The following PPP1R14C variants were observed in gnomAD, a reference collection of about 807,000 sequenced individuals.
The protein encoded by PPP1R14C is protein phosphatase 1 regulatory inhibitor subunit 14C, also known as protein phosphatase 1 regulatory subunit 14C.
PPP1R14C carries 16 observed loss-of-function variants against 20.4 expected under a neutral mutation model. The observed-to-expected ratio is 0.78, with a 90% CI of 0.53 to 1.19. The LOEUF (loss-of-function observed/expected upper bound fraction) is 1.19. Among genes scored for constraint, PPP1R14C ranks in the 50% most tolerant of loss-of-function variants. The pLI is 0.00. For missense variants in PPP1R14C, 211 were observed against 220.1 expected (o/e 0.96, Z 0.26); for synonymous variants, 91 against 91.0 (o/e 1.00, Z 0.00).
At chr6:150,243,868 A>C (rs573178614) in intron 3 of PPP1R14C, among the ~76,000 whole-genome samples, 7 of 152,376 alleles carry the variant, frequency 4.6e-5, no homozygotes, top group African/African-American at 1.7e-4. Context: ...TCCATGCAGC[A>C]GTGTAGCTGA....
At chr6:150,146,002 A>T (rs1777176590) in intron 1 of PPP1R14C, among the ~76,000 whole-genome samples, 1 of 152,244 alleles carries the variant, frequency 6.6e-6, no homozygotes, top group Non-Finnish European at 1.5e-5. Flanking sequence ...GAAGAAATAC[A>T]CAGAACCACT....
intron 3 of PPP1R14C, among the ~76,000 whole-genome samples, chr6:150,231,851 T>G (rs987302503): frequency 6.6e-6 from 1 of 152,250 alleles, no homozygotes; most frequent in Non-Finnish European, 1.5e-5. Flanking sequence ...AGTATTTCTT[T>G]CTGTTCATAC....
Position 150,147,271 on chromosome 6 carries a change from C to G in PPP1R14C, c.306+3773C>G, listed in dbSNP as rs559580775. Among the ~76,000 whole-genome samples, 6 of 150,802 alleles carry G rather than the reference C, an allele frequency of 4.0e-5. No homozygotes were observed. In the East Asian group the frequency reaches 1.2e-3, roughly 29 times the overall value. Reference sequence around the variant, plus strand: ...CTCAGCTCACTGCAACCTCCGCCTCCTGGGTTCAAACGATTCTCCTGCTTC... The same window carrying G: ...CTCAGCTCACTGCAACCTCCGCCTCGTGGGTTCAAACGATTCTCCTGCTTC... On this transcript the variant is annotated intron_variant, in intron 1 of 3. Coordinates refer to ENST00000361131, the MANE Select transcript of PPP1R14C (RefSeq NM_030949.3).
intron 1 of PPP1R14C, among the ~76,000 whole-genome samples, chr6:150,174,556 T>C (rs1406207703): frequency 2.6e-5 from 4 of 152,036 alleles, no homozygotes; most frequent in African/African-American, 9.7e-5. Flanking sequence ...TGTAAGCTCC[T>C]AGAGGGTAGG....
intron 1 of PPP1R14C, among the ~76,000 whole-genome samples, chr6:150,170,245 A>G (rs1777481186): frequency 6.6e-6 from 1 of 152,212 alleles, no homozygotes; most frequent in Non-Finnish European, 1.5e-5. Context: ...CACACAAGAA[A>G]GAATAAGAAA....
intron 1 of PPP1R14C, among the ~76,000 whole-genome samples, chr6:150,199,280 C>T (rs183790203): frequency 2.6e-5 from 4 of 152,154 alleles, no homozygotes; most frequent in Admixed American, 1.3e-4. Flanking sequence ...GGCTATCATT[C>T]GAATGTGTCC....
At chr6:150,194,658 C>T in intron 1 of PPP1R14C, 1 of 985,368 alleles carries the variant, frequency 1.0e-6, no homozygotes, top group Non-Finnish European at 1.2e-6. Context: ...ACTCACCTCG[C>T]CTTTAGCACA....
At chr6:150,166,119 T>C (rs1249451793) in intron 1 of PPP1R14C, among the ~76,000 whole-genome samples, 1 of 151,766 alleles carries the variant, frequency 6.6e-6, no homozygotes, top group African/African-American at 2.4e-5. Flanking sequence ...CTCCCTCTGT[T>C]GTCCAGGCTG....
chr6:150,213,522 C>T (rs1180908912), intron 1 of PPP1R14C, among the ~76,000 whole-genome samples: 3 of 152,192 alleles, frequency 2.0e-5, no homozygotes, highest in African/African-American at 7.2e-5. Flanking sequence ...GCCCGGGTGT[C>T]CCCAGTGTCC....
chr6:150,225,821 G>A (rs1266420996), intron 3 of PPP1R14C, among the ~76,000 whole-genome samples: 1 of 152,160 alleles, frequency 6.6e-6, no homozygotes, highest in African/African-American at 2.4e-5. Flanking sequence ...CACATATTAG[G>A]CCCTTAGTAT....
intron 3 of PPP1R14C, 31 bp from the exon 4 acceptor site, chr6:150,248,715 C>A: frequency 2.1e-6 from 3 of 1,404,432 alleles, no homozygotes; most frequent in Non-Finnish European, 3.0e-6. Flanking sequence ...TAATAGTGAC[C>A]CTCATATTAA....
chr6:150,152,669 G>T (rs1225166129), intron 1 of PPP1R14C, among the ~76,000 whole-genome samples: 1 of 151,794 alleles, frequency 6.6e-6, no homozygotes, highest in African/African-American at 2.4e-5. Context: ...GAGCTTCTCT[G>T]ATCCATCTCC....
chr6:150,170,618 G>A (rs182931700), intron 1 of PPP1R14C, among the ~76,000 whole-genome samples: 2 of 152,130 alleles, frequency 1.3e-5, no homozygotes, highest in African/African-American at 4.8e-5. Flanking sequence ...CACTGCGCCC[G>A]GCTGCTAGTT....
intron 2 of PPP1R14C, among the ~76,000 whole-genome samples, chr6:150,215,068 C>T (rs1280888859): frequency 6.6e-6 from 1 of 152,182 alleles, no homozygotes; most frequent in African/African-American, 2.4e-5. Flanking sequence ...ATAACTTTCT[C>T]CAGCCCCATT....
chr6:150,207,066 C>T (rs1021696774), intron 1 of PPP1R14C, among the ~76,000 whole-genome samples: 8 of 152,006 alleles, frequency 5.3e-5, no homozygotes, highest in African/African-American at 1.4e-4. Context: ...GGTTTCAACA[C>T]GTTGGTCAGG....
At chr6:150,191,541 G>A (rs9384229) in intron 1 of PPP1R14C, among the ~76,000 whole-genome samples, 6,692 of 152,218 alleles carry the variant, frequency 0.044, 309 homozygotes, top group East Asian at 0.12. Flanking sequence ...CAGAGGGCAA[G>A]GACCATAACA....
intron 1 of PPP1R14C, among the ~76,000 whole-genome samples, chr6:150,169,741 C>G (rs1777476386): frequency 6.6e-6 from 1 of 152,254 alleles, no homozygotes; most frequent in Non-Finnish European, 1.5e-5. Flanking sequence ...TACCATGCAA[C>G]AAACTCCCCC....
At chr6:150,170,367 G>A (rs1462789430) in intron 1 of PPP1R14C, among the ~76,000 whole-genome samples, 1 of 150,182 alleles carries the variant, frequency 6.7e-6, no homozygotes, top group Non-Finnish European at 1.5e-5. Context: ...CTGTCTCCCA[G>A]GCTGGAGTGC....
rs370697016 is a variant in PPP1R14C at position 150,197,303 on chromosome 6, G to A, written c.307-17441G>A. Among the ~76,000 whole-genome samples the A allele has an allele frequency of 2.0e-4, 30 of 152,350 alleles. 1 individual carries two copies. In the East Asian group the frequency reaches 3.5e-3, roughly 18 times the overall value. The stretch of plus-strand genomic sequence containing the variant: ...CACCTGCCACAGGTCCAATTCATGG[G>A]AACAGCTGGACTTTCTAGCCACTGT... On this transcript the variant is annotated intron_variant, in intron 1 of 3. Transcript: ENST00000361131.
Sources: allele counts gnomAD v4.1 joint callset (sites outside exome capture counted in the v4.1 genomes callset), GRCh38; gene constraint gnomAD v4.1.1; transcripts MANE v1.5; gene names NCBI Gene and HGNC (gene_info 2026-07-23, HGNC 2026-07-21).